The following KCNK5 variants were observed in gnomAD, a reference collection of about 807,000 sequenced individuals.
KCNK5 encodes potassium channel subfamily K member 5.
A neutral mutation model predicts 32.9 loss-of-function variants in KCNK5; 18 were observed. That is an observed-to-expected ratio of 0.55 (90% CI 0.38 to 0.81). The LOEUF is 0.81. KCNK5 is among the 30% of genes least tolerant of loss of function. KCNK5 has a pLI of 0.00. For missense variants in KCNK5, 507 were observed against 651.0 expected (o/e 0.78, Z 2.41); for synonymous variants, 276 against 275.3 (o/e 1.00, Z -0.03).
chr6:39,228,906 G>A lies in KCNK5; in HGVS notation c.186+20C>T. ...TCAAGCCAGCTTCAGATGTATATGG[G>A]GGTACAGGCGGCGACTGACCTCTAG... On this transcript the variant is annotated intron_variant, in intron 1 of 4. Coordinates refer to ENST00000359534, the MANE Select transcript of KCNK5 (RefSeq NM_003740.4). 6.2e-7 allele frequency: 1 copy of A among 1,613,250 alleles called. No homozygotes were observed. The highest frequency in any genetic ancestry group is 8.5e-7 in the Non-Finnish European group (1 of 1,179,434).
rs756211423 is a variant in KCNK5 at position 39,191,436 on chromosome 6, A to G, written c.954T>C (p.Gly318=). ...GCCCTGGGCCCGGGCCCGTCTCCCC[A>G]CCCCCGCTTGTCTTCATGGCCTTCT... ...IGKKAMKTSG[G]GETGPGPGLG... is the part of the protein sequence containing the mutation. The change falls in exon 5 of 5, where the codon GGT becomes GGC. Residue 318 remains glycine, a synonymous_variant. Transcript: ENST00000359534. This position sits in a 1 kb window ranked among gnomAD's most constrained non-coding sequence, Gnocchi z 5.8. 3.7e-6 allele frequency: 6 copies of G among 1,608,546 alleles called. No individual in the cohort carries two copies. The South Asian group carries it at 6.6e-5, about 18-fold the overall frequency.
In KCNK5 at chr6:39,194,253, C is replaced by T; in HGVS notation, c.550G>A (p.Val184Met). ...HLVIPPFVFM[V>M]TEGWNYIEGL... ...TCGATGTAGTTCCACCCCTCAGTCA[C>T]CATGAATACGAAGGGTGGGATCACC... Residue 184 changes from valine to methionine, a missense_variant, in exon 4 of 5, where the codon GTG becomes ATG. By Grantham distance (21) the Val-to-Met change is conservative (BLOSUM62 1). Coordinates refer to ENST00000359534, the MANE Select transcript of KCNK5 (RefSeq NM_003740.4). The surrounding 1 kb of genome is among the most constrained non-coding windows in gnomAD (Gnocchi z 4.7). The T allele has an allele frequency of 6.2e-7, 1 of 1,614,116 alleles. No homozygotes were observed. The highest frequency in any genetic ancestry group is 8.5e-7 in the Non-Finnish European group (1 of 1,180,000).
intron 1 of KCNK5, among the ~76,000 whole-genome samples, chr6:39,205,050 C>A (rs769527927): frequency 1.3e-5 from 2 of 152,226 alleles, no homozygotes; most frequent in Admixed American, 1.3e-4. Flanking sequence ...TCCCCCAGGG[C>A]AGGGGGGCAG....
In KCNK5 at chr6:39,195,533, GT is replaced by G. The variant is rs1284929989; in HGVS notation, c.298+342del. 2.6e-5 allele frequency among the ~76,000 whole-genome samples: 4 copies of G among 152,234 alleles called. No individual in the cohort carries two copies. The East Asian group carries it at 7.7e-4, about 29-fold the overall frequency. ...CGTTCTGAGCCAAACTTCTGGACTG[GT>G]TGGCTATGCAGCCTGAGAACTGAAA... is the stretch of plus-strand genomic sequence containing the variant. On this transcript the variant is annotated intron_variant, in intron 2 of 4. Transcript: ENST00000359534.
intron 1 of KCNK5, among the ~76,000 whole-genome samples, chr6:39,210,869 AAC>A (rs1455161440): frequency 2.0e-5 from 3 of 152,168 alleles, no homozygotes; most frequent in Admixed American, 1.3e-4. Context: ...AAGAAGCCAA[AAC>A]ACAGATGGGG....
At position 39,201,646 on chromosome 6, in the gene KCNK5, G is replaced by A. The variant is rs186908031; in HGVS notation, c.187-5659C>T. Among the ~76,000 whole-genome samples, 18 of 152,338 alleles carry A rather than the reference G, an allele frequency of 1.2e-4. No homozygotes were observed. In the East Asian group the frequency reaches 2.9e-3, roughly 24 times the overall value. ...GGGAAAATAGAGCTGACCCTCTTAT[G>A]TGCGTGTGCTTGGTAGTACAGAAAG... On this transcript the variant is annotated intron_variant, in intron 1 of 4. Transcript: ENST00000359534.
intron 1 of KCNK5, among the ~76,000 whole-genome samples, chr6:39,200,130 C>T (rs374582603): frequency 8.5e-5 from 13 of 152,214 alleles, no homozygotes; most frequent in Non-Finnish European, 1.3e-4. Flanking sequence ...TCAGACAAGG[C>T]GTCCCGTCCT....
At chr6:39,221,656 G>A (rs1260734940) in intron 1 of KCNK5, among the ~76,000 whole-genome samples, 1 of 152,170 alleles carries the variant, frequency 6.6e-6, no homozygotes, top group African/African-American at 2.4e-5. Context: ...GTCCCCAGGT[G>A]CACTTACCAA....
intron 1 of KCNK5, among the ~76,000 whole-genome samples, chr6:39,217,686 C>T (rs1026947929): frequency 2.0e-5 from 3 of 152,194 alleles, no homozygotes; most frequent in Admixed American, 2.0e-4. Context: ...TGATTTGCCG[C>T]CACGAGAAAT....
intron 1 of KCNK5, among the ~76,000 whole-genome samples, chr6:39,218,351 G>A (rs1226004617): frequency 1.3e-5 from 2 of 152,138 alleles, no homozygotes; most frequent in African/African-American, 4.8e-5. Context: ...TTATAAGCAT[G>A]AGCCACCACG....
At chr6:39,213,388 G>A (rs556648685) in intron 1 of KCNK5, among the ~76,000 whole-genome samples, 4 of 152,268 alleles carry the variant, frequency 2.6e-5, no homozygotes, top group Admixed American at 1.3e-4. Flanking sequence ...TTTCTATGAC[G>A]CAATATTAAC....
chr6:39,205,273 G>T (rs1193398061), intron 1 of KCNK5, among the ~76,000 whole-genome samples: 1 of 152,126 alleles, frequency 6.6e-6, no homozygotes, highest in Non-Finnish European at 1.5e-5. Flanking sequence ...CCCCTTCCTG[G>T]TCCCACAGCA....
chr6:39,228,757 G>A (rs1267077001), intron 1 of KCNK5, among the ~76,000 whole-genome samples, 169 bp downstream of exon 1: 1 of 152,142 alleles, frequency 6.6e-6, no homozygotes, highest in Non-Finnish European at 1.5e-5. Flanking sequence ...CCTCGGGTGA[G>A]CGACAGATCC....
chr6:39,223,455 A>C (rs1328734757), intron 1 of KCNK5, among the ~76,000 whole-genome samples: 1 of 152,148 alleles, frequency 6.6e-6, no homozygotes, highest in South Asian at 2.1e-4. Flanking sequence ...TGAAATCTCA[A>C]AGAGATTCGC....
chr6:39,223,642 C>T (rs912322691), intron 1 of KCNK5, among the ~76,000 whole-genome samples: 3 of 152,196 alleles, frequency 2.0e-5, no homozygotes, highest in African/African-American at 4.8e-5. Context: ...GGAGGCTCCA[C>T]TCAGGGGCCT....
In KCNK5 at chr6:39,190,827, C is replaced by A; in HGVS notation, c.*63G>T. 7.1e-7 allele frequency: 1 copy of A among 1,403,010 alleles called. No individual in the cohort carries two copies. Among genetic ancestry groups the A allele is most frequent in the South Asian group, 1.8e-5 (1 of 56,836 alleles). 86.9% of individuals were successfully genotyped at this position (1,403,010 alleles called of 1,614,324 possible). A position where few individuals can be genotyped will look rare whatever the true frequency, so the allele number is the denominator to read the frequency against. On this transcript the variant is annotated 3_prime_UTR_variant, in exon 5 of 5. Transcript: ENST00000359534. Reference sequence around the variant, plus strand: ...CAGGGGCCAGGCGTCCCGGTCATCTCGGGACACCCTAGGGTGAGGGGGGAA... The same window carrying A: ...CAGGGGCCAGGCGTCCCGGTCATCTAGGGACACCCTAGGGTGAGGGGGGAA...
intron 1 of KCNK5, among the ~76,000 whole-genome samples, chr6:39,219,971 A>G (rs528861465): frequency 8.2e-4 from 125 of 152,204 alleles, no homozygotes; most frequent in Non-Finnish European, 1.5e-3. Context: ...CATAAACCGG[A>G]GTACAGGTAA....
intron 4 of KCNK5, among the ~76,000 whole-genome samples, chr6:39,193,780 G>A (rs539688161): frequency 6.6e-6 from 1 of 152,310 alleles, no homozygotes; most frequent in South Asian, 2.1e-4. Flanking sequence ...AAAGGCTGCT[G>A]AGGGCGTGGA....
Position 39,190,617 on chromosome 6 carries a change from C to T in KCNK5, c.*273G>A, listed in dbSNP as rs899584152. The T allele has an allele frequency of 1.8e-5, 6 of 340,644 alleles. No individual in the cohort carries two copies. Among genetic ancestry groups the T allele is most frequent in the East Asian group, 4.7e-5 (1 of 21,188 alleles). 21.1% of individuals were successfully genotyped at this position (340,644 alleles called of 1,614,324 possible). On this transcript the variant is annotated 3_prime_UTR_variant, in exon 5 of 5. Transcript: ENST00000359534. ...CAGGGTCAGTCCTGCCCACCTGTCC[C>T]GCCAGCCAGCATGTCTTTGCATTGT... is the stretch of plus-strand genomic sequence containing the variant.
Sources: allele counts gnomAD v4.1 joint callset (sites outside exome capture counted in the v4.1 genomes callset), GRCh38; gene constraint gnomAD v4.1.1; non-coding constraint Gnocchi (gnomAD v3.1); transcripts MANE v1.5; gene names NCBI Gene and HGNC (gene_info 2026-07-23, HGNC 2026-07-21).